TMEM53: variants seen among roughly 807,000 people sequenced by gnomAD.
The protein encoded by TMEM53 is transmembrane protein 53, also known as novel DUF829 domain-containing protein.
TMEM53 carries 14 observed loss-of-function variants against 21.4 expected under a neutral mutation model. That is an observed-to-expected ratio of 0.65 (90% CI 0.43 to 1.02). TMEM53 has a LOEUF of 1.02. Among genes scored for constraint, TMEM53 ranks in the 50% least tolerant of loss-of-function variants. The pLI, the probability that TMEM53 is intolerant of heterozygous loss-of-function variation, is 0.00. For missense variants in TMEM53, 323 were observed against 383.6 expected (o/e 0.84, Z 1.32); for synonymous variants, 148 against 157.4 (o/e 0.94, Z 0.45).
intron 1 of TMEM53, chr1:44,673,783 C>A: frequency 1.1e-6 from 1 of 925,888 alleles, no homozygotes; most frequent in Non-Finnish European, 1.3e-6. Context: ...TAATCCAGCT[C>A]CTAAAGGAAG....
chr1:44,660,431 G>T, intron 1 of TMEM53, 136 bp from the exon 2 acceptor site: 2 of 1,263,130 alleles, frequency 1.6e-6, no homozygotes, highest in Non-Finnish European at 1.1e-6. Context: ...CTGCCAGCAC[G>T]CATGCACCAG....
intron 2 of TMEM53, 88 bp downstream of exon 2, chr1:44,660,086 G>C (rs1436842614): frequency 1.3e-6 from 2 of 1,495,032 alleles, no homozygotes; most frequent in Non-Finnish European, 1.8e-6. Flanking sequence ...TCGAACTCTA[G>C]AGGCTGTTCT....
rs140693469 is a variant in TMEM53 at position 44,658,311 on chromosome 1, G to A, written c.183+1863C>T. Among the ~76,000 whole-genome samples, 749 of 152,142 alleles carry A rather than the reference G, an allele frequency of 4.9e-3. 7 individuals carry two copies. The highest frequency in any genetic ancestry group is 0.017 in the African/African-American group (717 of 41,490). ...AAACACACCCCCCTCTACCCAGGAG[G>A]TGCCCAGCCAGAAACCTGGCATTAC... is the stretch of plus-strand genomic sequence containing the variant. On this transcript the variant is annotated intron_variant, in intron 2 of 2. Coordinates refer to ENST00000372237, the MANE Select transcript of TMEM53 (RefSeq NM_024587.4).
At chr1:44,673,715 C>T (rs184112230) in intron 1 of TMEM53, 2 of 476,152 alleles carry the variant, frequency 4.2e-6, no homozygotes, top group East Asian at 1.5e-4. Flanking sequence ...GGTTACTATC[C>T]TTATCCCGGT....
Position 44,654,778 on chromosome 1 carries a change from G to A in TMEM53, c.615C>T (p.Asp205=), listed in dbSNP as rs199605035. The A allele has an allele frequency of 5.1e-5, 82 of 1,613,896 alleles. No individual in the cohort carries two copies. Among genetic ancestry groups the A allele is most frequent in the East Asian group, 3.3e-4 (15 of 44,874 alleles). The part of the protein sequence containing the change: ...FHTHFYDRLQ[D]AGSRWPELYL... ...AGAGCTCGGGCCAGCGAGAGCCCGC[G>A]TCCTGTAGCCTGTCATAGAAGTGGG... The change falls in exon 3 of 3, where the codon GAC becomes GAT. Residue 205 remains aspartate, a synonymous_variant. Transcript: ENST00000372237. The surrounding 1 kb of genome is among the most constrained non-coding windows in gnomAD (Gnocchi z 7.0).
At chr1:44,663,071 G>T (rs1405819244) in intron 1 of TMEM53, among the ~76,000 whole-genome samples, 9 of 152,110 alleles carry the variant, frequency 5.9e-5, no homozygotes. Flanking sequence ...TTTATTTTTG[G>T]AGATAGGGTC....
intron 1 of TMEM53, among the ~76,000 whole-genome samples, chr1:44,670,709 G>A (rs1301800799): frequency 6.6e-6 from 1 of 152,216 alleles, no homozygotes; most frequent in Non-Finnish European, 1.5e-5. Flanking sequence ...AACCTGGGGA[G>A]CAAAAACCCC....
Position 44,654,432 on chromosome 1 carries a change from A to G in TMEM53, c.*127T>C. 5 of 1,138,702 alleles carry G rather than the reference A, an allele frequency of 4.4e-6. No individual in the cohort carries two copies. Among genetic ancestry groups the G allele is most frequent in the Non-Finnish European group, 5.0e-6 (4 of 800,510 alleles). 70.5% of individuals were successfully genotyped at this position (1,138,702 alleles called of 1,614,324 possible). On this transcript the variant is annotated 3_prime_UTR_variant, in exon 3 of 3. Transcript: ENST00000372237. This position sits in a 1 kb window ranked among gnomAD's most constrained non-coding sequence, Gnocchi z 7.0. ...GGAGACAGGCCCATAGGAATTTTCT[A>G]CTTAGGGGACCGCAAAGTCCCAAAG...
rs541871685 is a variant in TMEM53 at position 44,665,206 on chromosome 1, G to A, written c.62-4911C>T. 5.9e-5 allele frequency among the ~76,000 whole-genome samples: 9 copies of A among 152,154 alleles called. No homozygotes were observed. The South Asian group carries it at 1.5e-3, about 25-fold the overall frequency. ...ATACTGACATCATCAGGAACAGGTA[G>A]GAGGCTACTGTAAAATTCAAGGCAA... On this transcript the variant is annotated intron_variant, in intron 1 of 2. Coordinates refer to ENST00000372237, the MANE Select transcript of TMEM53 (RefSeq NM_024587.4).
intron 1 of TMEM53, chr1:44,673,719 T>C: frequency 2.0e-6 from 1 of 497,954 alleles, no homozygotes; most frequent in Non-Finnish European, 2.6e-6. Flanking sequence ...ACTATCCTTA[T>C]CCCGGTTTTG....
intron 1 of TMEM53, among the ~76,000 whole-genome samples, chr1:44,670,653 A>G (rs1644992062): frequency 6.6e-6 from 1 of 152,116 alleles, no homozygotes; most frequent in South Asian, 2.1e-4. Context: ...TGATGTCTAT[A>G]TTTCTTTGAC....
chr1:44,669,791 C>A (rs2148537911), intron 1 of TMEM53, among the ~76,000 whole-genome samples: 1 of 139,188 alleles, frequency 7.2e-6, no homozygotes, highest in Admixed American at 7.5e-5. Context: ...ACTTAGAAAG[C>A]ATCCTATTTT....
Position 44,654,790 on chromosome 1 carries a change from G to C in TMEM53, c.603C>G (p.Asp201Glu). ...AGCGAGAGCCCGCGTCCTGTAGCCT[G>C]TCATAGAAGTGGGTGTGGAAGAGGG... ...ITALFHTHFY[D>E]RLQDAGSRWP... Residue 201 changes from aspartate to glutamate, a missense_variant, in exon 3 of 3, where the codon GAC becomes GAG. By Grantham distance (45) the Asp-to-Glu change is conservative (BLOSUM62 2). Around this residue, in one of 3 missense-constraint regions of TMEM53, gnomAD observed 269 missense variants for 334.5 expected, o/e 0.80. Transcript: ENST00000372237. This position sits in a 1 kb window ranked among gnomAD's most constrained non-coding sequence, Gnocchi z 7.0. 6.2e-7 allele frequency: 1 copy of C among 1,613,940 alleles called. No individual in the cohort carries two copies. The highest frequency in any genetic ancestry group is 8.5e-7 in the Non-Finnish European group (1 of 1,180,036).
At chr1:44,673,941 C>T in intron 1 of TMEM53, 2 of 985,340 alleles carry the variant, frequency 2.0e-6, no homozygotes, top group Non-Finnish European at 2.4e-6. Flanking sequence ...TCCACGCCTT[C>T]GGGAAAATAA....
Position 44,654,874 on chromosome 1 carries a change from C to G in TMEM53, c.519G>C (p.Leu173=), listed in dbSNP as rs112953625. Reference sequence around the variant, plus strand: ...CGACCACCAGGGCAAAGGCCACCAGCAGCAACAGGCGCAGCATGGCGGCCC... The same window carrying G: ...CGACCACCAGGGCAAAGGCCACCAGGAGCAACAGGCGCAGCATGGCGGCCC... ...ERRAAMLRLL[L]LVAFALVVVL... is the part of the protein sequence containing the mutation. Residue 173 remains leucine, a synonymous_variant, in exon 3 of 3, where the codon CTG becomes CTC. Coordinates refer to ENST00000372237, the MANE Select transcript of TMEM53 (RefSeq NM_024587.4). The surrounding 1 kb of genome is among the most constrained non-coding windows in gnomAD (Gnocchi z 7.0). 289 of 1,612,686 alleles carry G rather than the reference C, an allele frequency of 1.8e-4. 1 individual carries two copies. The Middle Eastern group carries it at 3.8e-3, about 21-fold the overall frequency.
chr1:44,663,150 C>G (rs1557494479), intron 1 of TMEM53, among the ~76,000 whole-genome samples: 3 of 152,240 alleles, frequency 2.0e-5, no homozygotes, highest in African/African-American at 7.2e-5. Context: ...CCTCCTTGGG[C>G]TCAAGCGATC....
chr1:44,667,661 T>C (rs575956618), intron 1 of TMEM53, among the ~76,000 whole-genome samples: 1 of 152,268 alleles, frequency 6.6e-6, no homozygotes, highest in African/African-American at 2.4e-5. Flanking sequence ...ATAGCAATTA[T>C]TTATGGGATT....
intron 1 of TMEM53, among the ~76,000 whole-genome samples, chr1:44,661,286 AGTG>A (rs1194818617): frequency 6.6e-6 from 1 of 152,132 alleles, no homozygotes; most frequent in African/African-American, 2.4e-5. Flanking sequence ...GCTGGAGGGC[AGTG>A]GCACGATCTC....
intron 1 of TMEM53, among the ~76,000 whole-genome samples, chr1:44,665,336 C>T (rs769325311): frequency 6.6e-6 from 1 of 152,158 alleles, no homozygotes; most frequent in Non-Finnish European, 1.5e-5. Flanking sequence ...TATCAAAAGT[C>T]TCAAAAACAT....
Sources: allele counts gnomAD v4.1 joint callset (sites outside exome capture counted in the v4.1 genomes callset), GRCh38; gene constraint gnomAD v4.1.1; regional missense constraint gnomAD v4.1.1; non-coding constraint Gnocchi (gnomAD v3.1); transcripts MANE v1.5; gene names NCBI Gene and HGNC (gene_info 2026-07-23, HGNC 2026-07-21).